Variants in ACTG2 observed in about 807,000 individuals in gnomAD.
ACTG2 encodes the protein actin gamma 2, smooth muscle, also known as actin, gamma-enteric smooth muscle.
Under a neutral mutation model 37.6 loss-of-function variants are expected in ACTG2, and 16 were observed. The observed-to-expected ratio is 0.43, with a 90% confidence interval of 0.29 to 0.65. The LOEUF is 0.65. ACTG2 is among the 30% of genes least tolerant of loss of function. The probability of loss-of-function intolerance (pLI) is 0.18; values close to 1 mark genes in which losing one functional copy is unlikely to be tolerated. For missense variants in ACTG2, 238 were observed against 490.9 expected (o/e 0.48, Z 4.87); for synonymous variants, 181 against 179.9 (o/e 1.01, Z -0.05).
At chr2:73,899,268 C>G (rs1304365738) in intron 1 of ACTG2, among the ~76,000 whole-genome samples, 4 of 152,046 alleles carry the variant, frequency 2.6e-5, no homozygotes, top group African/African-American at 9.7e-5. Context: ...TTCAGACCAG[C>G]CTGGGCAACA....
At chr2:73,909,974 T>A (rs988246692) in intron 5 of ACTG2, among the ~76,000 whole-genome samples, 3 of 152,130 alleles carry the variant, frequency 2.0e-5, no homozygotes, top group Non-Finnish European at 2.9e-5. Context: ...CAGCACTTTG[T>A]GAGGCTGAGG....
intron 5 of ACTG2, among the ~76,000 whole-genome samples, chr2:73,913,170 CAA>C (rs58764001): frequency 9.8e-5 from 10 of 102,474 alleles, no homozygotes; most frequent in African/African-American, 1.5e-4. Context: ...ACTCTGTCTC[CAA>C]AAAAAAAAAA....
At chr2:73,893,447 G>C (rs1679671918) in intron 1 of ACTG2, among the ~76,000 whole-genome samples, 1 of 152,190 alleles carries the variant, frequency 6.6e-6, no homozygotes, top group African/African-American at 2.4e-5. Flanking sequence ...CAGAATACTT[G>C]AGTCAAAGCC....
intron 1 of ACTG2, among the ~76,000 whole-genome samples, 197 bp downstream of exon 1, chr2:73,893,248 G>C (rs1325949822): frequency 1.3e-5 from 2 of 152,310 alleles, no homozygotes; most frequent in East Asian, 3.9e-4. Context: ...GGACATCCTG[G>C]GGCAGGGGCA....
Position 73,912,498 on chromosome 2 carries a change from A to T in ACTG2, c.452-987A>T, listed in dbSNP as rs148789031. On this transcript the variant is annotated intron_variant, in intron 5 of 8. Coordinates refer to ENST00000345517, the MANE Select transcript of ACTG2 (RefSeq NM_001615.4). ...ACATCATGTTTAATAGCCACGTGGT[A>T]GTCGTTGTATGATGGTTTCATTATG... Among the ~76,000 whole-genome samples the T allele has an allele frequency of 1.5e-4, 23 of 152,292 alleles. No individual in the cohort carries two copies. In the East Asian group the frequency reaches 3.1e-3, roughly 20 times the overall value.
intron 7 of ACTG2, 49 bp from the exon 8 acceptor site, chr2:73,916,535 C>T (rs1265795245): frequency 3.2e-6 from 5 of 1,539,290 alleles, no homozygotes; most frequent in Admixed American, 3.6e-5. Context: ...TGGAGGTGTG[C>T]ATATTTAGGA....
intron 2 of ACTG2, 120 bp downstream of exon 2, chr2:73,901,557 TGTGTGTGTGTGTGTGTGTGTGTGTCTGTG>T: frequency 7.2e-6 from 1 of 138,406 alleles, no homozygotes; most frequent in South Asian, 1.0e-4. Flanking sequence ...TGTGTGTGTG[TGTGTGTGTGTGTGTGTGTGTGTGTCTGTG>T]CGTGTGTGTG....
intron 3 of ACTG2, among the ~76,000 whole-genome samples, chr2:73,903,939 CAAAAAAAAAAAAA>C (rs61362643): frequency 1.1e-5 from 1 of 90,022 alleles, no homozygotes; most frequent in African/African-American, 4.3e-5. Flanking sequence ...GACTCCGTCT[CAAAAAAAAAAAAA>C]AAAAAAACAA....
At chr2:73,908,909 T>C (rs1163611148) in intron 4 of ACTG2, 126 bp downstream of exon 4, 1 of 1,195,954 alleles carries the variant, frequency 8.4e-7, no homozygotes. Flanking sequence ...CTGTGGTCCA[T>C]GCCAGGCCCT....
chr2:73,900,765 C>T (rs1679855679), intron 1 of ACTG2, among the ~76,000 whole-genome samples: 1 of 152,204 alleles, frequency 6.6e-6, no homozygotes, highest in South Asian at 2.1e-4. Context: ...CCCAGCACTT[C>T]TTCTCCCAGT....
chr2:73,914,739 G>C lies in ACTG2; in HGVS notation c.673G>C (p.Glu225Gln). ...EKLCYVALDF[E>Q]NEMATAASSS... ...GCTGTGCTATGTGGCCCTGGATTTT[G>C]AGAATGAGATGGCCACAGCAGCTTC... is the stretch of plus-strand genomic sequence containing the variant. The change falls in exon 7 of 9, where the codon GAG (glutamate) becomes CAG (glutamine). Residue 225 changes from glutamate (E) to glutamine (Q), a missense_variant. By Grantham distance (29) the Glu-to-Gln change is conservative (BLOSUM62 2). Transcript: ENST00000345517. 1.2e-6 allele frequency: 2 copies of C among 1,611,918 alleles called. No homozygotes were observed. The highest frequency in any genetic ancestry group is 1.7e-6 in the Non-Finnish European group (2 of 1,178,944).
rs763862553 is a variant in ACTG2, at chr2:73,913,492, C to A, written c.459C>A (p.Val153=). The part of the protein sequence containing the change: ...LYASGRTTGI[V]LDSGDGVTHN... Reference sequence around the variant, plus strand: ...GATCCTCTCTGTCCACAGGCATCGTCCTGGATTCAGGTGATGGCGTCACCC... The same window carrying A: ...GATCCTCTCTGTCCACAGGCATCGTACTGGATTCAGGTGATGGCGTCACCC... The change falls in exon 6 of 9, where the codon GTC becomes GTA. Residue 153 remains valine, a synonymous_variant. Transcript: ENST00000345517. 6 of 1,607,116 alleles carry A rather than the reference C, an allele frequency of 3.7e-6. No individual in the cohort carries two copies. In the South Asian group the frequency reaches 5.5e-5, roughly 15 times the overall value.
At chr2:73,914,570 A>AG (rs1462690449) in intron 6 of ACTG2, 110 bp from the exon 7 acceptor site, 2 of 905,728 alleles carry the variant, frequency 2.2e-6, no homozygotes, top group African/African-American at 3.4e-5. Flanking sequence ...AAAAAAAAAA[A>AG]AAAAAAAGAA....
At chr2:73,917,430 C>A (rs1339039619) in intron 8 of ACTG2, among the ~76,000 whole-genome samples, 1 of 152,216 alleles carries the variant, frequency 6.6e-6, no homozygotes, top group African/African-American at 2.4e-5. Context: ...TGGCCATGCC[C>A]TTCCCCATAC....
intron 5 of ACTG2, among the ~76,000 whole-genome samples, chr2:73,911,536 A>G (rs1476440600): frequency 1.3e-5 from 2 of 152,206 alleles, no homozygotes; most frequent in Non-Finnish European, 2.9e-5. Context: ...AGCCAGTACT[A>G]GTACCATAGT....
In ACTG2 at chr2:73,902,631, A is replaced by G. The variant is rs778950977; in HGVS notation, c.255+143A>G. On this transcript the variant is annotated intron_variant, in intron 3 of 8. Transcript: ENST00000345517. ...TCTTTCCTTTCTTTTCAGCCCCACGACCATTTCTCCAACCTAGGCTGCCAA... is the reference window on the plus strand; with the variant it reads ...TCTTTCCTTTCTTTTCAGCCCCACGGCCATTTCTCCAACCTAGGCTGCCAA... 1.9e-6 allele frequency: 3 copies of G among 1,552,096 alleles called. No individual in the cohort carries two copies. In the South Asian group the frequency reaches 3.6e-5, roughly 18 times the overall value.
chr2:73,893,653 G>A (rs1228555515), intron 1 of ACTG2, among the ~76,000 whole-genome samples: 3 of 152,094 alleles, frequency 2.0e-5, no homozygotes. Context: ...TTGCCCTGTG[G>A]CATCGTGAGG....
intron 2 of ACTG2, 148 bp downstream of exon 2, chr2:73,901,585 TGCGTGTGTGTGTGTGTGTGTCTG>T: frequency 6.1e-6 from 1 of 163,674 alleles, no homozygotes; most frequent in Non-Finnish European, 8.2e-6. Context: ...TGTGTGTCTG[TGCGTGTGTGTGTGTGTGTGTCTG>T]TGCATGCACA....
chr2:73,917,416 A>T (rs1653251), intron 8 of ACTG2, among the ~76,000 whole-genome samples: 79,733 of 151,980 alleles, frequency 0.52, 22,560 homozygotes, highest in Non-Finnish European at 0.62. Flanking sequence ...CTACTGTCCC[A>T]TCTTGGCCAT....
Sources: allele counts gnomAD v4.1 joint callset (sites outside exome capture counted in the v4.1 genomes callset), GRCh38; gene constraint gnomAD v4.1.1; transcripts MANE v1.5; gene names NCBI Gene and HGNC (gene_info 2026-07-23, HGNC 2026-07-21).